Variants in METTL15 observed in about 807,000 individuals in gnomAD.
METTL15 encodes 12S rRNA N(4)-cytidine methyltransferase METTL15.
A neutral mutation model predicts 38.3 loss-of-function variants in METTL15; 34 were observed. The ratio of observed to expected loss-of-function variants is 0.89; its 90% CI spans 0.68 to 1.18. METTL15 has a LOEUF of 1.18. Among genes scored for constraint, METTL15 ranks in the 50% most tolerant of loss-of-function variants. METTL15 has a pLI of 0.00. For missense variants in METTL15, 438 were observed against 498.4 expected, an observed-to-expected ratio of 0.88 and a Z score of 1.15; for synonymous variants, 162 against 170.9, an observed-to-expected ratio of 0.95 and a Z score of 0.41.
intron 6 of METTL15, among the ~76,000 whole-genome samples, chr11:28,448,200 T>C (rs1233421087): frequency 6.6e-6 from 1 of 152,222 alleles, no homozygotes; most frequent in Non-Finnish European, 1.5e-5. Context: ...GCCCCTCTTA[T>C]ACTCTACCTG....
chr11:28,111,358 A>G (rs556601400), intron 2 of METTL15, among the ~76,000 whole-genome samples: 1 of 152,344 alleles, frequency 6.6e-6, no homozygotes, highest in African/African-American at 2.4e-5. Context: ...TTAGTTATCA[A>G]AATCTGGACA....
chr11:28,490,243 G>A (rs1397363300), intron 6 of METTL15, among the ~76,000 whole-genome samples: 1 of 152,122 alleles, frequency 6.6e-6, no homozygotes, highest in Non-Finnish European at 1.5e-5. Flanking sequence ...GCCAGGGATG[G>A]TGGTAGAATT....
intron 6 of METTL15, among the ~76,000 whole-genome samples, chr11:28,322,284 A>G (rs1177943273): frequency 6.6e-6 from 1 of 152,130 alleles, no homozygotes; most frequent in Non-Finnish European, 1.5e-5. Flanking sequence ...CAAAAGGTTA[A>G]TATCCTTATT....
intron 3 of METTL15, among the ~76,000 whole-genome samples, chr11:28,120,782 G>C (rs754244298): frequency 4.6e-5 from 7 of 152,064 alleles, no homozygotes; most frequent in Non-Finnish European, 1.0e-4. Flanking sequence ...CAGTATCTGG[G>C]TTTGTCAACT....
At chr11:28,394,214 C>A (rs1850544850) in intron 5 of METTL15, among the ~76,000 whole-genome samples, 1 of 152,022 alleles carries the variant, frequency 6.6e-6, no homozygotes, top group Admixed American at 6.6e-5. Flanking sequence ...AATTATATTT[C>A]ATTATCACAG....
rs554572760 is a variant in METTL15 at position 28,391,398 on chromosome 11, C to T, written c.*358+29362C>T. ...AGATAGCTCTTATTATTTTGAGATA[C>T]GTCCCATCAATACCTATTTTATTGA... On this transcript the variant is annotated intron_variant and NMD_transcript_variant, in intron 5 of 7. Transcript: ENST00000532947. 3.9e-5 allele frequency among the ~76,000 whole-genome samples: 6 copies of T among 152,068 alleles called. No individual in the cohort carries two copies. The South Asian group carries it at 6.2e-4, about 16-fold the overall frequency.
intron 3 of METTL15, among the ~76,000 whole-genome samples, chr11:28,140,946 G>A (rs538793722): frequency 6.6e-6 from 1 of 152,284 alleles, no homozygotes; most frequent in South Asian, 2.1e-4. Flanking sequence ...AGGGATCCTT[G>A]CCTTACTGTA....
intron 4 of METTL15, 67 bp downstream of exon 4, chr11:28,211,265 T>C (rs942207819): frequency 6.8e-7 from 1 of 1,462,130 alleles, no homozygotes; most frequent in African/African-American, 1.4e-5. Context: ...GTTTACCACC[T>C]TGGAATTTGT....
At chr11:28,359,755 C>T (rs1001248758) in intron 4 of METTL15, among the ~76,000 whole-genome samples, 1 of 152,126 alleles carries the variant, frequency 6.6e-6, no homozygotes, top group African/African-American at 2.4e-5. Flanking sequence ...TGCAACTCAC[C>T]AGAAACATGC....
At chr11:28,481,715 C>G (rs1335534743) in intron 6 of METTL15, among the ~76,000 whole-genome samples, 17 of 152,168 alleles carry the variant, frequency 1.1e-4, no homozygotes, top group Admixed American at 1.1e-3. Context: ...AGCCGCAGCT[C>G]AGGCTGCTCA....
At chr11:28,305,622 C>T (rs189114190) in intron 6 of METTL15, among the ~76,000 whole-genome samples, 104 of 152,236 alleles carry the variant, frequency 6.8e-4, no homozygotes, top group African/African-American at 2.3e-3. Context: ...GATTAAGGTA[C>T]AGCAGTGTTG....
intron 5 of METTL15, among the ~76,000 whole-genome samples, chr11:28,362,717 G>T (rs752418612): frequency 6.6e-6 from 1 of 152,130 alleles, no homozygotes; most frequent in Admixed American, 6.5e-5. Context: ...TTTTATGGCT[G>T]CATAGTATTC....
intron 5 of METTL15, among the ~76,000 whole-genome samples, chr11:28,390,075 G>C: frequency 6.6e-6 from 1 of 150,756 alleles, no homozygotes. Context: ...TTTTTGATGG[G>C]GTTGTTTTTT....
At chr11:28,196,295 A>G (rs1274143127) in intron 3 of METTL15, among the ~76,000 whole-genome samples, 1 of 152,050 alleles carries the variant, frequency 6.6e-6, no homozygotes, top group Non-Finnish European at 1.5e-5. Flanking sequence ...TTTGGGCAGT[A>G]TGGTCATGTT....
intron 3 of METTL15, among the ~76,000 whole-genome samples, chr11:28,188,045 C>G (rs1406903161): frequency 6.6e-6 from 1 of 151,288 alleles, no homozygotes; most frequent in Non-Finnish European, 1.5e-5. Context: ...ACCCCTGGCT[C>G]ATGGCCAGTA....
intron 5 of METTL15, 97 bp from the exon 6 acceptor site, chr11:28,296,654 ATG>A (rs1856746153): frequency 1.4e-5 from 17 of 1,228,356 alleles, no homozygotes; most frequent in Non-Finnish European, 1.9e-5. Context: ...CTCCTAGAGT[ATG>A]TGTGTGTGTC....
At chr11:28,116,369 C>T (rs1490827053) in intron 3 of METTL15, among the ~76,000 whole-genome samples, 1 of 152,172 alleles carries the variant, frequency 6.6e-6, no homozygotes, top group African/African-American at 2.4e-5. Context: ...GTACTGACTT[C>T]AGAAATGTGA....
downstream of METTL15, among the ~76,000 whole-genome samples, chr11:28,335,179 G>A (rs1849889773): frequency 6.6e-6 from 1 of 152,090 alleles, no homozygotes; most frequent in African/African-American, 2.4e-5. Flanking sequence ...GTGAAGATTT[G>A]TATTATTAAG....
At chr11:28,344,671 A>G (rs1195275765) in intron 3 of METTL15, among the ~76,000 whole-genome samples, 3 of 152,172 alleles carry the variant, frequency 2.0e-5, no homozygotes, top group Admixed American at 2.0e-4. Context: ...CAATTTTGTC[A>G]TCAATTAATA....
Sources: allele counts gnomAD v4.1 joint callset (sites outside exome capture counted in the v4.1 genomes callset), GRCh38; gene constraint gnomAD v4.1.1; transcripts MANE v1.5; gene names NCBI Gene and HGNC (gene_info 2026-07-23, HGNC 2026-07-21).